Variants in ZMAT4 observed in about 807,000 individuals in gnomAD.
The protein encoded by ZMAT4 is zinc finger matrin-type 4.
A neutral mutation model predicts 28.7 loss-of-function variants in ZMAT4; 17 were observed. The observed-to-expected ratio is 0.59, with a 90% CI of 0.41 to 0.89. ZMAT4 has a LOEUF of 0.89. ZMAT4 is among the 40% of genes least tolerant of loss of function. The pLI is 0.00. For missense variants in ZMAT4, 240 were observed against 283.8 expected (o/e 0.85, Z 1.11); for synonymous variants, 117 against 109.2 (o/e 1.07, Z -0.44).
intron 3 of ZMAT4, among the ~76,000 whole-genome samples, chr8:40,739,193 C>T (rs1474056998): frequency 3.3e-5 from 5 of 152,144 alleles, no homozygotes; most frequent in Non-Finnish European, 5.9e-5. Context: ...CCAGGAGCCT[C>T]CGAAAAGCTC....
chr8:40,758,851 G>A (rs556924767), intron 3 of ZMAT4, among the ~76,000 whole-genome samples: 6 of 152,198 alleles, frequency 3.9e-5, no homozygotes, highest in East Asian at 3.9e-4. Context: ...ACAGAACAAC[G>A]GAAAGGACAC....
At chr8:40,832,379 A>G (rs769503544) in intron 1 of ZMAT4, among the ~76,000 whole-genome samples, 43 of 152,004 alleles carry the variant, frequency 2.8e-4, no homozygotes, top group Non-Finnish European at 5.6e-4. Context: ...CACAACCACA[A>G]TTCTGCACCT....
intron 5 of ZMAT4, among the ~76,000 whole-genome samples, chr8:40,672,780 C>T (rs1808733118): frequency 6.6e-6 from 1 of 152,200 alleles, no homozygotes; most frequent in Admixed American, 6.5e-5. Context: ...GTAACACAGG[C>T]ATTGCAGTTA....
rs377059658 is a variant in ZMAT4 at position 40,882,002 on chromosome 8, A to G, written c.-5+15681T>C. 2.5e-4 allele frequency among the ~76,000 whole-genome samples: 38 copies of G among 152,244 alleles called. 1 individual carries two copies. The highest frequency in any genetic ancestry group is 8.4e-4 in the African/African-American group (35 of 41,530). On this transcript the variant is annotated intron_variant, in intron 1 of 6. Transcript: ENST00000297737. ...GGGCCTAATTAGAGGACACCCTTTC[A>G]CCCAACATCAATCCCTGCACCAACA... is the stretch of plus-strand genomic sequence containing the variant.
chr8:40,851,775 A>G (rs962281425), intron 1 of ZMAT4, among the ~76,000 whole-genome samples: 6 of 152,196 alleles, frequency 3.9e-5, no homozygotes, highest in East Asian at 1.9e-4. Flanking sequence ...GAAGCTATAC[A>G]ATATATTATT....
chr8:40,699,596 G>GCA (rs10681965), intron 3 of ZMAT4, among the ~76,000 whole-genome samples: 50,598 of 149,572 alleles, frequency 0.34, 9,733 homozygotes, highest in Middle Eastern at 0.58. Flanking sequence ...AAATGTAAAT[G>GCA]CACACACACA....
chr8:40,889,999 C>T (rs1818610162), intron 1 of ZMAT4, among the ~76,000 whole-genome samples: 1 of 152,194 alleles, frequency 6.6e-6, no homozygotes, highest in Admixed American at 6.5e-5. Context: ...CTGGATATTA[C>T]ATTATCATTT....
chr8:40,602,978 T>C (rs1338665700), intron 5 of ZMAT4, among the ~76,000 whole-genome samples: 3 of 152,216 alleles, frequency 2.0e-5, no homozygotes, highest in African/African-American at 7.2e-5. Context: ...TCATGAACTC[T>C]TTGTCCAAGC....
chr8:40,831,530 G>GT (rs939841632), intron 1 of ZMAT4, among the ~76,000 whole-genome samples: 2 of 152,216 alleles, frequency 1.3e-5, no homozygotes, highest in African/African-American at 4.8e-5. Flanking sequence ...CTCCAGCCCA[G>GT]TCCCTTGAGG....
intron 6 of ZMAT4, among the ~76,000 whole-genome samples, chr8:40,563,762 G>C (rs918244262): frequency 1.3e-5 from 2 of 152,076 alleles, no homozygotes; most frequent in Admixed American, 6.6e-5. Flanking sequence ...TTTTGTGACA[G>C]AGGGTAAAGG....
chr8:40,758,617 C>CA (rs1179536169), intron 3 of ZMAT4, among the ~76,000 whole-genome samples: 1 of 151,422 alleles, frequency 6.6e-6, no homozygotes, highest in Non-Finnish European at 1.5e-5. Context: ...GAACAGCACA[C>CA]AAAAAAATTA....
In ZMAT4 at chr8:40,788,359, C is replaced by A. The variant is rs10101463; in HGVS notation, c.103-20629G>T. On this transcript the variant is annotated intron_variant, in intron 2 of 6. Coordinates refer to ENST00000297737, the MANE Select transcript of ZMAT4 (RefSeq NM_024645.3). The stretch of plus-strand genomic sequence containing the variant: ...CAGCATTTTGGGAGGCCGGGGCAGG[C>A]GGATCACGAGGTCAGGAGATCGAGA... Among the ~76,000 whole-genome samples the A allele has an allele frequency of 1.8e-3, 272 of 152,190 alleles. 1 individual carries two copies. Among genetic ancestry groups the A allele is most frequent in the Non-Finnish European group, 2.5e-3 (173 of 68,008 alleles).
intron 5 of ZMAT4, among the ~76,000 whole-genome samples, chr8:40,653,814 A>C (rs1254727548): frequency 6.6e-6 from 1 of 152,180 alleles, no homozygotes; most frequent in Non-Finnish European, 1.5e-5. Context: ...GGATGGCTTC[A>C]TTGGTGAATT....
chr8:40,647,685 C>G (rs1305626608), intron 5 of ZMAT4, among the ~76,000 whole-genome samples: 1 of 152,172 alleles, frequency 6.6e-6, no homozygotes, highest in Non-Finnish European at 1.5e-5. Context: ...TGTCTGACAG[C>G]TTTGAAGAGA....
At chr8:40,610,697 G>A (rs1224238882) in intron 5 of ZMAT4, among the ~76,000 whole-genome samples, 1 of 151,940 alleles carries the variant, frequency 6.6e-6, no homozygotes, top group Non-Finnish European at 1.5e-5. Flanking sequence ...ATAGGCATTT[G>A]ATGTTTGTAC....
At position 40,706,254 on chromosome 8, in the gene ZMAT4, C is replaced by T. The variant is rs149183123; in HGVS notation, c.193-8853G>A. On this transcript the variant is annotated intron_variant, in intron 3 of 6. Transcript: ENST00000297737. ...TTTGTTTAGTAGAGACGGGGTTTCA[C>T]CGTGTTAGACAGGATGGTCTCAATC... Among the ~76,000 whole-genome samples the T allele has an allele frequency of 3.1e-3, 467 of 152,196 alleles. 2 individuals carry two copies. The highest frequency in any genetic ancestry group is 9.5e-3 in the African/African-American group (393 of 41,530).
chr8:40,809,405 G>C (rs1815230959), intron 2 of ZMAT4, among the ~76,000 whole-genome samples: 1 of 152,070 alleles, frequency 6.6e-6, no homozygotes, highest in Admixed American at 6.5e-5. Flanking sequence ...TCCATACCCT[G>C]GACCACAGTA....
At chr8:40,711,144 T>G (rs933612998) in intron 3 of ZMAT4, among the ~76,000 whole-genome samples, 1 of 152,218 alleles carries the variant, frequency 6.6e-6, no homozygotes, top group Non-Finnish European at 1.5e-5. Context: ...AAAACCTGTT[T>G]GTTCACCTTT....
At chr8:40,750,212 A>G (rs1812400060) in intron 3 of ZMAT4, among the ~76,000 whole-genome samples, 1 of 152,178 alleles carries the variant, frequency 6.6e-6, no homozygotes, top group African/African-American at 2.4e-5. Flanking sequence ...GAAAAAATAT[A>G]TATATATATT....
Sources: gnomAD v4.1 joint callset for allele counts (sites outside exome capture counted in the v4.1 genomes callset) on GRCh38, gnomAD v4.1.1 for gene constraint, MANE v1.5 for transcripts, NCBI Gene and HGNC (gene_info 2026-07-23, HGNC 2026-07-21) for gene names.